GBGT1: variants seen among roughly 807,000 people sequenced by gnomAD.
GBGT1 encodes globoside alpha-1,3-N-acetylgalactosaminyltransferase 1 (FORS blood group), also known as globoside alpha-1,3-N-acetylgalactosaminyltransferase 1.
A neutral mutation model predicts 20.9 loss-of-function variants in GBGT1; 18 were observed. That is an observed-to-expected ratio of 0.86 (90% confidence interval 0.60 to 1.28). The LOEUF (loss-of-function observed/expected upper bound fraction) is 1.28. Among genes scored for constraint, GBGT1 ranks in the 50% most tolerant of loss-of-function variants. The pLI is 0.00. For synonymous variants in GBGT1, 168 were observed against 180.8 expected, an observed-to-expected ratio of 0.93 and a Z score of 0.57; for missense variants, 432 against 455.7, an observed-to-expected ratio of 0.95 and a Z score of 0.47.
Position 133,154,154 on chromosome 9 carries a change from C to T in GBGT1, c.467G>A (p.Gly156Glu). 2.5e-6 allele frequency: 4 copies of T among 1,597,180 alleles called. No individual in the cohort carries two copies. Among genetic ancestry groups the T allele is most frequent in the Non-Finnish European group, 3.4e-6 (4 of 1,167,024 alleles). ...IFTDNPAAVP[G>E]VPLGPHRLLS... ...AAGCCGGTGGGGACCCAGCGGGACCCCGGGAACGGCTGCAGGGTTGTCAGT... is the reference window on the plus strand; with the variant it reads ...AAGCCGGTGGGGACCCAGCGGGACCTCGGGAACGGCTGCAGGGTTGTCAGT... Residue 156 changes from glycine to glutamate, a missense_variant, in exon 7 of 7, where the codon GGG (glycine) becomes GAG (glutamate). Transcript: ENST00000372040. This position sits in a 1 kb window ranked among gnomAD's most constrained non-coding sequence, Gnocchi z 4.2.
chr9:133,159,751 C>T (rs1273923753), intron 3 of GBGT1, among the ~76,000 whole-genome samples: 8 of 152,030 alleles, frequency 5.3e-5, no homozygotes, highest in Admixed American at 1.3e-4. Flanking sequence ...GAGCTGTGAT[C>T]GTGCCACTGC....
At chr9:133,158,297 G>A (rs565611468) in intron 3 of GBGT1, among the ~76,000 whole-genome samples, 1 of 151,760 alleles carries the variant, frequency 6.6e-6, no homozygotes, top group African/African-American at 2.4e-5. Flanking sequence ...TTTCTTTTTT[G>A]AGGTGGGGTC....
chr9:133,161,503 G>C lies in GBGT1; in HGVS notation c.101C>G (p.Ser34Cys), dbSNP rs1833040718. 1 of 1,610,988 alleles carries C rather than the reference G, an allele frequency of 6.2e-7. No homozygotes were observed. Among genetic ancestry groups the C allele is most frequent in the African/African-American group, 1.3e-5 (1 of 74,748 alleles). ...GCAGGGGAGATAATAGGGGACATAG[G>C]AGACTGGCAGCCAGTTCTCAAGATA... ...WVYLENWLPV[S>C]YVPYYLPCPE... The change falls in exon 3 of 7, where the codon TCC becomes TGC. Residue 34 changes from serine to cysteine, a missense_variant. Ser to Cys is a moderately radical substitution (Grantham distance 112). Coordinates refer to ENST00000372040, the MANE Select transcript of GBGT1 (RefSeq NM_021996.6).
Position 133,154,916 on chromosome 9 carries a change from A to G in GBGT1, c.359+262T>C, listed in dbSNP as rs1459579884. On this transcript the variant is annotated intron_variant, in intron 6 of 6. Coordinates refer to ENST00000372040, the MANE Select transcript of GBGT1 (RefSeq NM_021996.6). The surrounding 1 kb of genome is among the most constrained non-coding windows in gnomAD (Gnocchi z 4.2). Reference sequence around the variant, plus strand: ...GGTCTAGATGAAACAGGGAGGGGCAAGGGGGCCTCCTGACAAAGGCTCCTG... The same window carrying G: ...GGTCTAGATGAAACAGGGAGGGGCAGGGGGGCCTCCTGACAAAGGCTCCTG... 3 of 429,360 alleles carry G rather than the reference A, an allele frequency of 7.0e-6. No homozygotes were observed. Among genetic ancestry groups the G allele is most frequent in the Non-Finnish European group, 1.2e-5 (3 of 240,336 alleles). 26.6% of individuals were successfully genotyped at this position (429,360 alleles called of 1,614,324 possible).
At chr9:133,155,010 A>ATCCCACTATCACACCCTACAC (rs1288059898) in intron 6 of GBGT1, 168 bp downstream of exon 6, 3 of 601,352 alleles carry the variant, frequency 5.0e-6, no homozygotes, top group Non-Finnish European at 8.8e-6. Context: ...GGAAGCTCCC[A>ATCCCACTATCACACCCTACAC]TCCCACTATC....
intron 1 of GBGT1, among the ~76,000 whole-genome samples, chr9:133,162,832 G>C (rs569066886): frequency 2.0e-5 from 3 of 152,244 alleles, no homozygotes; most frequent in Non-Finnish European, 4.4e-5. Context: ...ACTGCACCGG[G>C]CCAGGAATGC....
rs77791418 is a variant in GBGT1, at chr9:133,157,064, G to A, written c.138-999C>T. ...TTTGGGGGCCCAACGCGGGCAAAGC[G>A]CTTGAGCCCAGTAGTTCAAGACCAG... On this transcript the variant is annotated intron_variant, in intron 3 of 6. Coordinates refer to ENST00000372040, the MANE Select transcript of GBGT1 (RefSeq NM_021996.6). 2.3e-3 allele frequency among the ~76,000 whole-genome samples: 344 copies of A among 152,146 alleles called. 4 individuals are homozygous for A. In the Middle Eastern group the frequency reaches 0.024, roughly 11 times the overall value.
intron 3 of GBGT1, 97 bp downstream of exon 3, chr9:133,161,368 CAG>C (rs1406963935): frequency 1.5e-6 from 1 of 647,010 alleles, no homozygotes; most frequent in African/African-American, 1.8e-5. Flanking sequence ...ACTTAGGAAT[CAG>C]GAACCGGCAG....
intron 3 of GBGT1, among the ~76,000 whole-genome samples, chr9:133,156,928 A>G (rs1832887307): frequency 1.3e-5 from 2 of 152,196 alleles, no homozygotes; most frequent in South Asian, 2.1e-4. Flanking sequence ...TTGATTTTAC[A>G]TAAAAGAGAG....
chr9:133,156,646 CA>C (rs1413701486), intron 3 of GBGT1, among the ~76,000 whole-genome samples: 1 of 139,774 alleles, frequency 7.2e-6, no homozygotes, highest in Non-Finnish European at 1.5e-5. Context: ...TGTGACAGAG[CA>C]AGATTCCATC....
Position 133,162,357 on chromosome 9 carries a change from C to T in GBGT1, c.56G>A (p.Ser19Asn). ...GCAGACTCACCACAGGACACTGAGGCTTGTGCCCGCCAACAGGCAGAACCC... is the reference window on the plus strand; with the variant it reads ...GCAGACTCACCACAGGACACTGAGGTTTGTGCCCGCCAACAGGCAGAACCC... Reference protein sequence around the residue: ...GLGFCLLAGTSLSVLWVYLEN... With the variant: ...GLGFCLLAGTNLSVLWVYLEN... Residue 19 changes from serine (S) to asparagine (N), a missense_variant, in exon 2 of 7, where the codon AGC (serine) becomes AAC (asparagine). Ser to Asn is a conservative substitution (Grantham distance 46). Coordinates refer to ENST00000372040, the MANE Select transcript of GBGT1 (RefSeq NM_021996.6). 6.2e-7 allele frequency: 1 copy of T among 1,610,934 alleles called. No homozygotes were observed. The highest frequency in any genetic ancestry group is 1.7e-4 in the Middle Eastern group (1 of 6,056).
chr9:133,153,251 G>A lies in GBGT1; in HGVS notation c.*326C>T, dbSNP rs1362896311. On this transcript the variant is annotated 3_prime_UTR_variant, in exon 7 of 7. Coordinates refer to ENST00000372040, the MANE Select transcript of GBGT1 (RefSeq NM_021996.6). ...AATAAACGGGGGACTGGCGCGGCAG[G>A]GTTCAGGCACTCTGAGTCGGGCTGA... 3.8e-6 allele frequency: 1 copy of A among 265,992 alleles called. No homozygotes were observed. Among genetic ancestry groups the A allele is most frequent in the Non-Finnish European group, 7.1e-6 (1 of 141,326 alleles). 16.5% of individuals were successfully genotyped at this position (265,992 alleles called of 1,614,324 possible).
At position 133,153,528 on chromosome 9, in the gene GBGT1, T is replaced by C. The variant is rs780126179; in HGVS notation, c.*49A>G. 7 of 1,349,496 alleles carry C rather than the reference T, an allele frequency of 5.2e-6. No individual in the cohort carries two copies. In the Admixed American group the frequency reaches 1.6e-4, roughly 31 times the overall value. The allele number at this position is 1,349,496 out of a possible 1,614,324, so 83.6% of individuals were successfully genotyped here. A position where few individuals can be genotyped will look rare whatever the true frequency, so the allele number is the denominator to read the frequency against. ...GGTCTGCACGCTAGTGAAGCACTGG[T>C]GGCTGCAGGTCTTTGGGTCCCCATC... On this transcript the variant is annotated 3_prime_UTR_variant, in exon 7 of 7. Coordinates refer to ENST00000372040, the MANE Select transcript of GBGT1 (RefSeq NM_021996.6).
Position 133,154,149 on chromosome 9 carries a change from G to A in GBGT1, c.472C>T (p.Pro158Ser), listed in dbSNP as rs1832799127. The change falls in exon 7 of 7, where the codon CCG becomes TCG. Residue 158 changes from proline (P) to serine (S), a missense_variant. Coordinates refer to ENST00000372040, the MANE Select transcript of GBGT1 (RefSeq NM_021996.6). This position sits in a 1 kb window ranked among gnomAD's most constrained non-coding sequence, Gnocchi z 4.2. ...TDNPAAVPGVPLGPHRLLSSI... is the reference protein window; with the variant it reads ...TDNPAAVPGVSLGPHRLLSSI... ...CTGAGAAGCCGGTGGGGACCCAGCG[G>A]GACCCCGGGAACGGCTGCAGGGTTG... 1 of 1,599,108 alleles carries A rather than the reference G, an allele frequency of 6.3e-7. No homozygotes were observed. The highest frequency in any genetic ancestry group is 1.3e-5 in the African/African-American group (1 of 74,672).
rs895356162 is a variant in GBGT1, at chr9:133,154,195, C to A, written c.426G>T (p.Val142=). Residue 142 remains valine (V), a synonymous_variant, in exon 7 of 7, where the codon GTG becomes GTT. Coordinates refer to ENST00000372040, the MANE Select transcript of GBGT1 (RefSeq NM_021996.6). This position sits in a 1 kb window ranked among gnomAD's most constrained non-coding sequence, Gnocchi z 4.2. ...AEEFFMRGYR[V]HYYIFTDNPA... ...GGTTGTCAGTGAAGATGTAGTAGTGCACCCGGTACCCACGCATGAAGAACT... is the reference window on the plus strand; with the variant it reads ...GGTTGTCAGTGAAGATGTAGTAGTGAACCCGGTACCCACGCATGAAGAACT... 2 of 1,567,746 alleles carry A rather than the reference C, an allele frequency of 1.3e-6. No individual in the cohort carries two copies. Among genetic ancestry groups the A allele is most frequent in the East Asian group, 2.3e-5 (1 of 44,116 alleles).
In GBGT1 at chr9:133,161,479, C is replaced by T. The variant is rs1833039772; in HGVS notation, c.125G>A (p.Cys42Tyr). 6.2e-7 allele frequency: 1 copy of T among 1,608,718 alleles called. No homozygotes were observed. Among genetic ancestry groups the T allele is most frequent in the Non-Finnish European group, 8.5e-7 (1 of 1,176,308 alleles). ...PVSYVPYYLPCPEIFNMKLHY... is the reference protein window; with the variant it reads ...PVSYVPYYLPYPEIFNMKLHY... ...CACCCATACTTACAAGATCTCTGGG[C>T]AGGGGAGATAATAGGGGACATAGGA... The change falls in exon 3 of 7, where the codon TGC becomes TAC. Residue 42 changes from cysteine (C) to tyrosine (Y), a missense_variant. Coordinates refer to ENST00000372040, the MANE Select transcript of GBGT1 (RefSeq NM_021996.6).
chr9:133,163,486 C>T (rs1833119103), intron 1 of GBGT1: 1 of 152,366 alleles, frequency 6.6e-6, no homozygotes, highest in South Asian at 2.1e-4. Flanking sequence ...CGCTGCCACT[C>T]GGGAGTGTCC....
rs138007987 is a variant in GBGT1 at position 133,155,276 on chromosome 9, C to T, written c.261G>A (p.Ala87=). Residue 87 remains alanine (A), a synonymous_variant, in exon 6 of 7, where the codon GCG becomes GCA. Coordinates refer to ENST00000372040, the MANE Select transcript of GBGT1 (RefSeq NM_021996.6). ...TGAAGGTTCCCTCGGAGACGATGGG[C>T]GCCAACCAGGGTGTGAGTGTCAGCA... The part of the protein sequence containing the change: ...TQLLTLTPWL[A]PIVSEGTFNP... 8.7e-6 allele frequency: 14 copies of T among 1,613,948 alleles called. No homozygotes were observed. Among genetic ancestry groups the T allele is most frequent in the Middle Eastern group, 1.7e-4 (1 of 6,056 alleles).
chr9:133,154,479 C>T lies in GBGT1; in HGVS notation c.360-218G>A, dbSNP rs1832811563. On this transcript the variant is annotated intron_variant, in intron 6 of 6. Coordinates refer to ENST00000372040, the MANE Select transcript of GBGT1 (RefSeq NM_021996.6). This position sits in a 1 kb window ranked among gnomAD's most constrained non-coding sequence, Gnocchi z 4.2. ...CATGTTCCTGGTAGAGATTCTTATG[C>T]TCCTAGGCCAGGTGAACTTTTACTG... 2.4e-6 allele frequency: 1 copy of T among 413,656 alleles called. No individual in the cohort carries two copies. Among genetic ancestry groups the T allele is most frequent in the African/African-American group, 2.0e-5 (1 of 49,428 alleles). The allele number at this position is 413,656 out of a possible 1,614,324, so 25.6% of individuals were successfully genotyped here. A position where few individuals can be genotyped will look rare whatever the true frequency, so the allele number is the denominator to read the frequency against.
Sources: allele counts gnomAD v4.1 joint callset (sites outside exome capture counted in the v4.1 genomes callset), GRCh38; gene constraint gnomAD v4.1.1; non-coding constraint Gnocchi (gnomAD v3.1); transcripts MANE v1.5; gene names NCBI Gene and HGNC (gene_info 2026-07-23, HGNC 2026-07-21).